Variants in DYNC2H1 observed in about 807,000 individuals in gnomAD.
DYNC2H1 encodes cytoplasmic dynein 2 heavy chain 1.
A neutral mutation model predicts 570.0 loss-of-function variants in DYNC2H1; 410 were observed. That is an observed-to-expected ratio of 0.72 (90% CI 0.66 to 0.78). The LOEUF (loss-of-function observed/expected upper bound fraction) is 0.78. Among genes scored for constraint, DYNC2H1 ranks in the 30% least tolerant of loss-of-function variants. DYNC2H1 has a pLI of 0.00. For synonymous variants in DYNC2H1, 1,688 were observed against 1,677.6 expected, an observed-to-expected ratio of 1.01 and a Z score of -0.15; for missense variants, 4,865 against 5,046.4, an observed-to-expected ratio of 0.96 and a Z score of 1.09.
intron 58 of DYNC2H1, 36 bp from the exon 59 acceptor site, chr11:103,222,929 G>C: frequency 6.2e-7 from 1 of 1,609,368 alleles, no homozygotes; most frequent in South Asian, 1.1e-5. Context: ...TTGAAATTAA[G>C]TAAGGATGTT....
chr11:103,287,197 GT>G (rs1171772611), intron 74 of DYNC2H1, among the ~76,000 whole-genome samples: 3 of 151,886 alleles, frequency 2.0e-5, no homozygotes, highest in Non-Finnish European at 4.4e-5. Flanking sequence ...AGGATTTCTG[GT>G]TTCTGGGCCT....
intron 45 of DYNC2H1, 30 bp from the exon 46 acceptor site, chr11:103,191,487 A>G (rs1862308973): frequency 6.6e-7 from 1 of 1,507,574 alleles, no homozygotes; most frequent in African/African-American, 1.4e-5. Flanking sequence ...AAGGCAGTAG[A>G]AAGATTGTTT....
chr11:103,470,230 A>G (rs1945328345), intron 88 of DYNC2H1, among the ~76,000 whole-genome samples: 1 of 152,206 alleles, frequency 6.6e-6, no homozygotes, highest in Non-Finnish European at 1.5e-5. Flanking sequence ...AAGACTAGGA[A>G]TTGATAGCTT....
At chr11:103,237,947 G>A (rs1436241622) in intron 63 of DYNC2H1, among the ~76,000 whole-genome samples, 1 of 152,050 alleles carries the variant, frequency 6.6e-6, no homozygotes, top group Non-Finnish European at 1.5e-5. Context: ...ATTTAACATT[G>A]CTAAGTTCCT....
intron 85 of DYNC2H1, among the ~76,000 whole-genome samples, chr11:103,437,183 GAT>G (rs746577284): frequency 9.9e-5 from 15 of 152,096 alleles, no homozygotes; most frequent in Non-Finnish European, 2.2e-4. Flanking sequence ...CAAGCTGTGA[GAT>G]ATGACCACTT....
chr11:103,235,228 T>A (rs1015745274), intron 61 of DYNC2H1, among the ~76,000 whole-genome samples: 1 of 151,908 alleles, frequency 6.6e-6, no homozygotes, highest in African/African-American at 2.4e-5. Context: ...ATTAGCTCTA[T>A]CTCTCTTCTT....
At chr11:103,464,132 A>C (rs2135834963) in intron 87 of DYNC2H1, among the ~76,000 whole-genome samples, 1 of 152,328 alleles carries the variant, frequency 6.6e-6, no homozygotes, top group South Asian at 2.1e-4. Flanking sequence ...TTATAGAAAA[A>C]TCTGACAAAA....
At chr11:103,132,455 A>G (rs1859327719) in intron 13 of DYNC2H1, among the ~76,000 whole-genome samples, 1 of 151,956 alleles carries the variant, frequency 6.6e-6, no homozygotes, top group Admixed American at 6.6e-5. Context: ...CTTGTCAGAT[A>G]ATTCTTATGT....
At chr11:103,462,456 C>CCTCATGTAAAGTTTCTCATCA in intron 87 of DYNC2H1, among the ~76,000 whole-genome samples, 1 of 152,228 alleles carries the variant, frequency 6.6e-6, no homozygotes, top group Middle Eastern at 3.4e-3. Context: ...CAGCCTCATT[C>CCTCATGTAAAGTTTCTCATCA]CTCATGTAAA....
rs1861529889 is a variant in DYNC2H1 at position 103,170,657 on chromosome 11, TA to T, written c.5152-228del. On this transcript the variant is annotated intron_variant, in intron 33 of 88. Transcript: ENST00000375735. The surrounding 1 kb of genome is among the most constrained non-coding windows in gnomAD (Gnocchi z 4.8). ...TAAAGAGTAACTAACACAAATCTTG[TA>T]TTTTTTCTGCAAGCTTTTTAGAACA... 6.6e-6 allele frequency among the ~76,000 whole-genome samples: 1 copy of T among 152,168 alleles called. No individual in the cohort carries two copies. Among genetic ancestry groups the T allele is most frequent in the African/African-American group, 2.4e-5 (1 of 41,410 alleles).
intron 76 of DYNC2H1, 64 bp from the exon 77 acceptor site, chr11:103,304,531 C>T: frequency 6.5e-7 from 1 of 1,529,546 alleles, no homozygotes; most frequent in Non-Finnish European, 8.8e-7. Context: ...GAATCTCATA[C>T]TGTTATATTA....
At chr11:103,376,707 G>A (rs1941407293) in intron 83 of DYNC2H1, among the ~76,000 whole-genome samples, 1 of 152,124 alleles carries the variant, frequency 6.6e-6, no homozygotes, top group Non-Finnish European at 1.5e-5. Flanking sequence ...CATACTAAAG[G>A]ATTGAAAGAT....
rs770906437 is a variant in DYNC2H1, at chr11:103,456,267, C to G, written c.12567-8C>G. 1.3e-6 allele frequency: 2 copies of G among 1,597,710 alleles called. No individual in the cohort carries two copies. Among genetic ancestry groups the G allele is most frequent in the Non-Finnish European group, 1.7e-6 (2 of 1,170,284 alleles). On this transcript the variant is annotated splice_region_variant and splice_polypyrimidine_tract_variant and intron_variant, in intron 86 of 88. Transcript: ENST00000375735. ...TTGATTTGTGACTTTGATGCTTTAC[C>G]TTTACAGGGCAGTGGGTCGTTCTGT...
intron 54 of DYNC2H1, among the ~76,000 whole-genome samples, chr11:103,213,342 C>G (rs1468827061): frequency 6.6e-6 from 1 of 152,092 alleles, no homozygotes; most frequent in African/African-American, 2.4e-5. Flanking sequence ...TAGTGAGTTA[C>G]CCCTTGCTTG....
chr11:103,464,925 TTAAA>T (rs1460178668), intron 87 of DYNC2H1, among the ~76,000 whole-genome samples: 3 of 152,222 alleles, frequency 2.0e-5, no homozygotes, highest in Non-Finnish European at 4.4e-5. Context: ...TTTAAGTAGC[TTAAA>T]TATTGACTGT....
chr11:103,260,034 A>ATATTTATAGTT lies in DYNC2H1; in HGVS notation c.10695+57_10695+58insTATTTATAGTT, dbSNP rs58492880. On this transcript the variant is annotated intron_variant, in intron 70 of 88. Transcript: ENST00000375735. ...TACTACTTGTTCTGTGATTTAACGTAATATTTATAGTTATAGTATAACTCT... is the reference window on the plus strand; with the variant it reads ...TACTACTTGTTCTGTGATTTAACGTATATTTATAGTTATATTTATAGTTATAGTATAACTCT... 1.8e-5 allele frequency: 17 copies of ATATTTATAGTT among 932,656 alleles called. 1 individual carries two copies. The highest frequency in any genetic ancestry group is 6.8e-5 in the East Asian group (2 of 29,628). The allele number at this position is 932,656 out of a possible 1,614,324, so 57.8% of individuals were successfully genotyped here. A position where few individuals can be genotyped will look rare whatever the true frequency, so the allele number is the denominator to read the frequency against.
chr11:103,113,212 C>T (rs1037738101), intron 1 of DYNC2H1, among the ~76,000 whole-genome samples: 3 of 152,108 alleles, frequency 2.0e-5, no homozygotes, highest in African/African-American at 7.2e-5. Context: ...ATTACTGATT[C>T]TGGCTAGAAT....
intron 70 of DYNC2H1, among the ~76,000 whole-genome samples, chr11:103,265,793 GCCTA>G (rs1487544577): frequency 1.3e-5 from 2 of 152,050 alleles, no homozygotes; most frequent in African/African-American, 4.8e-5. Context: ...ATCTTTTTGG[GCCTA>G]CCTATCTTCA....
chr11:103,158,626 C>A (rs1860940453), intron 26 of DYNC2H1, 51 bp from the exon 27 acceptor site: 1 of 1,436,660 alleles, frequency 7.0e-7, no homozygotes. Flanking sequence ...GTTTTTCTTA[C>A]CCCCCCAAAT....
Sources: gnomAD v4.1 joint callset for allele counts (sites outside exome capture counted in the v4.1 genomes callset) on GRCh38, gnomAD v4.1.1 for gene constraint, Gnocchi (gnomAD v3.1) non-coding constraint, MANE v1.5 for transcripts, NCBI Gene and HGNC (gene_info 2026-07-23, HGNC 2026-07-21) for gene names.